RORC: variants seen among roughly 807,000 people sequenced by gnomAD.
RORC encodes nuclear receptor ROR-gamma.
A neutral mutation model predicts 64.5 loss-of-function variants in RORC; 13 were observed. The ratio of observed to expected loss-of-function variants is 0.20; its 90% CI spans 0.13 to 0.32. RORC has a LOEUF of 0.32. RORC is among the 10% of genes least tolerant of loss of function. RORC has a pLI of 1.00. For synonymous variants in RORC, 277 were observed against 259.3 expected (o/e 1.07, Z -0.65); for missense variants, 468 against 669.5 (o/e 0.70, Z 3.32).
At position 151,807,540 on chromosome 1, in the gene RORC, C is replaced by A; in HGVS notation, c.1489G>T (p.Ala497Ser). 1 of 1,613,864 alleles carries A rather than the reference C, an allele frequency of 6.2e-7. No individual in the cohort carries two copies. The highest frequency in any genetic ancestry group is 8.5e-7 in the Non-Finnish European group (1 of 1,179,902). ...QHLHPIVVQA[A>S]FPPLYKELFS... Reference sequence around the variant, plus strand: ...AGCTCCTTGTAGAGTGGAGGGAAAGCGGCTTGGACCACGATGGGGTGGAGG... The same window carrying A: ...AGCTCCTTGTAGAGTGGAGGGAAAGAGGCTTGGACCACGATGGGGTGGAGG... The change falls in exon 11 of 11, where the codon GCT (alanine) becomes TCT (serine). Residue 497 changes from alanine to serine, a missense_variant. Transcript: ENST00000318247. This position sits in a 1 kb window ranked among gnomAD's most constrained non-coding sequence, Gnocchi z 5.0.
chr1:151,811,556 A>T lies in RORC; in HGVS notation c.1286-122T>A, dbSNP rs1651533811. 9 of 568,816 alleles carry T rather than the reference A, an allele frequency of 1.6e-5. No individual in the cohort carries two copies. In the East Asian group the frequency reaches 2.6e-4, roughly 16 times the overall value. The allele number at this position is 568,816 out of a possible 1,614,324, so 35.2% of individuals were successfully genotyped here. On this transcript the variant is annotated intron_variant, in intron 9 of 10. Transcript: ENST00000318247. ...GAGGTCTTCTAAGCTGAGCGCGTGC[A>T]TGTGTGTGCCTTGGTTTGATAATGG... is the stretch of plus-strand genomic sequence containing the variant.
Position 151,813,458 on chromosome 1 carries a change from C to A in RORC, c.1066+30G>T, listed in dbSNP as rs1200887403. 1.9e-6 allele frequency: 3 copies of A among 1,613,494 alleles called. No homozygotes were observed. The African/African-American group carries it at 4.0e-5, about 22-fold the overall frequency. On this transcript the variant is annotated intron_variant, in intron 7 of 10. Coordinates refer to ENST00000318247, the MANE Select transcript of RORC (RefSeq NM_005060.4). ...CCTCCACTTGGCTCTGTCCCCTTGT[C>A]CCCAGGCCTGCCCACCCATCCCTGG...
Position 151,817,366 on chromosome 1 carries a change from T to C in RORC, c.71-86A>G, listed in dbSNP as rs1651805407. ...TACCTGGGCTGCAGATACAGGTACC[T>C]GGTGCTTCCACTACTTCTCCAACCA... is the stretch of plus-strand genomic sequence containing the variant. On this transcript the variant is annotated intron_variant, in intron 2 of 10. Transcript: ENST00000318247. 7 of 897,208 alleles carry C rather than the reference T, an allele frequency of 7.8e-6. No homozygotes were observed. In the South Asian group the frequency reaches 9.6e-5, roughly 12 times the overall value. 55.6% of individuals were successfully genotyped at this position (897,208 alleles called of 1,614,324 possible). A position where few individuals can be genotyped will look rare whatever the true frequency, so the allele number is the denominator to read the frequency against.
chr1:151,824,506 A>C (rs1652115834), intron 2 of RORC, among the ~76,000 whole-genome samples: 1 of 152,190 alleles, frequency 6.6e-6, no homozygotes, highest in South Asian at 2.1e-4. Flanking sequence ...GGAAGCTCCA[A>C]GGGGCCCTTT....
intron 6 of RORC, 95 bp downstream of exon 6, chr1:151,814,479 C>T: frequency 7.3e-7 from 1 of 1,378,166 alleles, no homozygotes; most frequent in Admixed American, 2.2e-5. Context: ...GATGTCCCGC[C>T]CTGCCCCAGG....
intron 9 of RORC, 200 bp downstream of exon 9, chr1:151,812,747 T>C (rs1651589537): frequency 2.0e-6 from 1 of 490,944 alleles, no homozygotes; most frequent in Admixed American, 3.8e-5. Flanking sequence ...CCCCACCTTA[T>C]GCTGCTCTTG....
chr1:151,826,689 C>A (rs1394461392), intron 2 of RORC, among the ~76,000 whole-genome samples: 1 of 152,190 alleles, frequency 6.6e-6, no homozygotes, highest in East Asian at 1.9e-4. Flanking sequence ...TCCTTAGGAG[C>A]CAAACTGCTG....
intron 10 of RORC, among the ~76,000 whole-genome samples, chr1:151,810,868 C>T (rs577339304): frequency 6.6e-6 from 1 of 152,350 alleles, no homozygotes; most frequent in African/African-American, 2.4e-5. Context: ...GTCCTATTGA[C>T]TGGGTTGCCA....
In RORC at chr1:151,811,399, G is replaced by C; in HGVS notation, c.1321C>G (p.Gln441Glu). 3 of 1,613,936 alleles carry C rather than the reference G, an allele frequency of 1.9e-6. No individual in the cohort carries two copies. Among genetic ancestry groups the C allele is most frequent in the Non-Finnish European group, 2.5e-6 (3 of 1,179,842 alleles). The change falls in exon 10 of 11, where the codon CAG (glutamine) becomes GAG (glutamate). Residue 441 changes from glutamine to glutamate, a missense_variant. Gln to Glu is a conservative substitution (Grantham distance 29). This residue lies in a region of RORC where 93 missense variants were observed against 116.6 expected (regional missense o/e 0.80). Transcript: ENST00000318247. ...PGLQEKRKVE[Q>E]LQYNLELAFH... ...GCCAGCTCCAGATTGTACTGCAGCT[G>C]TTCTACTTTCCTTTTCTCTTGGAGC...
intron 2 of RORC, among the ~76,000 whole-genome samples, chr1:151,823,275 G>A (rs1652062499): frequency 6.6e-6 from 1 of 152,118 alleles, no homozygotes; most frequent in African/African-American, 2.4e-5. Context: ...CTCATAGACA[G>A]TGACCTCACA....
chr1:151,823,209 G>A (rs1308943425), intron 2 of RORC, among the ~76,000 whole-genome samples: 1 of 152,106 alleles, frequency 6.6e-6, no homozygotes. Flanking sequence ...TGGGGACTTG[G>A]AGTCCTTTCT....
chr1:151,814,720 G>C (rs199787590), intron 5 of RORC, 25 bp from the exon 6 acceptor site: 5 of 1,597,368 alleles, frequency 3.1e-6, no homozygotes, highest in Non-Finnish European at 4.3e-6. Context: ...GGAAGGCATG[G>C]CTTGATCTCA....
chr1:151,811,232 T>A, intron 10 of RORC, 93 bp downstream of exon 10: 1 of 721,694 alleles, frequency 1.4e-6, no homozygotes, highest in Non-Finnish European at 2.4e-6. Context: ...CCGCACTCCC[T>A]CCTCTGTACC....
At chr1:151,808,924 C>A (rs545404015) in intron 10 of RORC, among the ~76,000 whole-genome samples, 1 of 152,082 alleles carries the variant, frequency 6.6e-6, no homozygotes, top group Non-Finnish European at 1.5e-5. Context: ...AAAAGCCCTG[C>A]GACTGGGTTT....
chr1:151,831,492 TCTCC>T (rs1652417912), intron 1 of RORC: 1 of 278,492 alleles, frequency 3.6e-6, no homozygotes, highest in Admixed American at 6.5e-5. Flanking sequence ...TTCTCCCGCT[TCTCC>T]CTTTCTTTCC....
At chr1:151,811,498 A>G in intron 9 of RORC, 64 bp from the exon 10 acceptor site, 1 of 1,006,230 alleles carries the variant, frequency 9.9e-7, no homozygotes, top group African/African-American at 1.6e-5. Context: ...TCCCAACAAA[A>G]GGGTGTATCT....
chr1:151,813,413 T>C (rs1651618715), intron 7 of RORC, 67 bp from the exon 8 acceptor site: 1 of 1,609,774 alleles, frequency 6.2e-7, no homozygotes, highest in Non-Finnish European at 8.5e-7. Context: ...TCTGTCCCCC[T>C]GATTTCCTTA....
intron 1 of RORC, among the ~76,000 whole-genome samples, chr1:151,831,434 C>T (rs1168176667): frequency 6.6e-6 from 1 of 152,132 alleles, no homozygotes; most frequent in Non-Finnish European, 1.5e-5. Context: ...ATCTGGCTCC[C>T]CTGACTTGGC....
chr1:151,810,706 T>A (rs1428455681), intron 10 of RORC, among the ~76,000 whole-genome samples: 1 of 152,120 alleles, frequency 6.6e-6, no homozygotes, highest in Non-Finnish European at 1.5e-5. Flanking sequence ...TAATTTTTTT[T>A]ATTTTTAGTA....
Sources: allele counts gnomAD v4.1 joint callset (sites outside exome capture counted in the v4.1 genomes callset), GRCh38; gene constraint gnomAD v4.1.1; regional missense constraint gnomAD v4.1.1; non-coding constraint Gnocchi (gnomAD v3.1); transcripts MANE v1.5; gene names NCBI Gene and HGNC (gene_info 2026-07-23, HGNC 2026-07-21).